Variants in FAM151A observed in about 807,000 individuals in gnomAD.
The protein encoded by FAM151A is protein FAM151A.
Under a neutral mutation model 40.4 loss-of-function variants are expected in FAM151A, and 41 were observed. The ratio of observed to expected loss-of-function variants is 1.01; its 90% CI spans 0.79 to 1.32. The LOEUF is 1.32. Among genes scored for constraint, FAM151A ranks in the 40% most tolerant of loss-of-function variants. FAM151A has a pLI of 0.00. For synonymous variants in FAM151A, 337 were observed against 312.5 expected (o/e 1.08, Z -0.83); for missense variants, 740 against 740.4 (o/e 1.00, Z 0.01).
At chr1:54,622,871 G>A (rs775156378) in intron 1 of FAM151A, among the ~76,000 whole-genome samples, 3 of 151,868 alleles carry the variant, frequency 2.0e-5, no homozygotes, top group African/African-American at 4.8e-5. Context: ...TGGTGGGGAC[G>A]AGGGCTCAAG....
At chr1:54,619,144 G>A (rs1173588936) in intron 2 of FAM151A, among the ~76,000 whole-genome samples, 1 of 152,164 alleles carries the variant, frequency 6.6e-6, no homozygotes, top group Admixed American at 6.5e-5. Context: ...CATCACTTGA[G>A]GGTGGGGCCA....
intron 3 of FAM151A, 104 bp from the exon 4 acceptor site, chr1:54,614,963 T>TGCACAC: frequency 8.8e-7 from 1 of 1,134,114 alleles, no homozygotes; most frequent in Non-Finnish European, 1.3e-6. Flanking sequence ...TGCATGTGCG[T>TGCACAC]GCACAGTGGA....
chr1:54,620,034 G>A (rs756932743), intron 1 of FAM151A, 27 bp from the exon 2 acceptor site: 3 of 1,611,324 alleles, frequency 1.9e-6, no homozygotes, highest in East Asian at 2.2e-5. Flanking sequence ...GGGGCTGTTA[G>A]CGTCTGTCCT....
chr1:54,622,759 G>T (rs145059641), intron 1 of FAM151A, among the ~76,000 whole-genome samples: 1 of 147,808 alleles, frequency 6.8e-6, no homozygotes, highest in Non-Finnish European at 1.5e-5. Flanking sequence ...TAGTTAACGG[G>T]ACTTTCTGCT....
chr1:54,618,394 C>T (rs998030990), intron 2 of FAM151A, among the ~76,000 whole-genome samples: 1 of 152,080 alleles, frequency 6.6e-6, no homozygotes, highest in Non-Finnish European at 1.5e-5. Flanking sequence ...ATCCCAGCTA[C>T]TCGGGAGGCT....
chr1:54,614,911 C>G (rs1026495724), intron 3 of FAM151A, 52 bp from the exon 4 acceptor site: 1 of 1,581,944 alleles, frequency 6.3e-7, no homozygotes, highest in East Asian at 2.2e-5. Context: ...ACTAGGAATA[C>G]ATGACTCCCT....
At chr1:54,621,175 A>C (rs1386153641) in intron 1 of FAM151A, among the ~76,000 whole-genome samples, 1 of 148,150 alleles carries the variant, frequency 6.7e-6, no homozygotes, top group Non-Finnish European at 1.5e-5. Context: ...AAAAAAAAAA[A>C]CCTGCGCGCG....
Position 54,609,667 on chromosome 1 carries a change from C to G in FAM151A, c.1359G>C (p.Ser453=). ...CTCTGCCAGCCACATGGCCGGGGAC[C>G]GAAAAACTCCCGTGGGAGATTTTGG... ...VGAKISHGSF[S]VPGHVAGREL... The change falls in exon 8 of 8, where the codon TCG becomes TCC. Residue 453 remains serine, a synonymous_variant. Coordinates refer to ENST00000302250, the MANE Select transcript of FAM151A (RefSeq NM_176782.3). The G allele has an allele frequency of 6.2e-7, 1 of 1,613,942 alleles. No individual in the cohort carries two copies. Among genetic ancestry groups the G allele is most frequent in the Non-Finnish European group, 8.5e-7 (1 of 1,180,034 alleles).
rs567673212 is a variant in FAM151A at position 54,610,572 on chromosome 1, C to T, written c.941-17G>A. ...TGGCATTCACTGTGGGGCCCCAAAT[C>T]GCCAAGGTGAAGTGGCTGCCATTCA... On this transcript the variant is annotated splice_polypyrimidine_tract_variant and intron_variant, in intron 6 of 7. Coordinates refer to ENST00000302250, the MANE Select transcript of FAM151A (RefSeq NM_176782.3). 30 of 1,606,968 alleles carry T rather than the reference C, an allele frequency of 1.9e-5. No homozygotes were observed. The African/African-American group carries it at 2.3e-4, about 12-fold the overall frequency.
At chr1:54,619,807 CCT>C in intron 2 of FAM151A, 55 bp downstream of exon 2, 1 of 1,572,314 alleles carries the variant, frequency 6.4e-7, no homozygotes. Context: ...CACTTCTCTC[CCT>C]CTGTCTTCTC....
rs138729680 is a variant in FAM151A at position 54,619,013 on chromosome 1, G to A, written c.262+851C>T. Reference sequence around the variant, plus strand: ...AATTATTAATAATGACCTCAAAAGAGCCCTGCTTTGGTTGATTTGGTCATT... The same window carrying A: ...AATTATTAATAATGACCTCAAAAGAACCCTGCTTTGGTTGATTTGGTCATT... On this transcript the variant is annotated intron_variant, in intron 2 of 7. Coordinates refer to ENST00000302250, the MANE Select transcript of FAM151A (RefSeq NM_176782.3). Among the ~76,000 whole-genome samples the A allele has an allele frequency of 1.7e-3, 260 of 152,216 alleles. 3 individuals carry two copies. The highest frequency in any genetic ancestry group is 6.0e-3 in the African/African-American group (251 of 41,544).
intron 5 of FAM151A, among the ~76,000 whole-genome samples, chr1:54,612,221 G>A (rs1435895285): frequency 1.3e-5 from 2 of 151,860 alleles, no homozygotes; most frequent in Admixed American, 1.3e-4. Context: ...ATTGGAGGAA[G>A]CTGTGGGGAG....
chr1:54,612,946 C>T (rs1013535390), intron 4 of FAM151A, among the ~76,000 whole-genome samples: 4 of 152,114 alleles, frequency 2.6e-5, no homozygotes, highest in Admixed American at 2.6e-4. Flanking sequence ...GTAACTCAGC[C>T]TCATAGACAG....
intron 1 of FAM151A, among the ~76,000 whole-genome samples, chr1:54,620,570 C>T (rs566976986): frequency 5.3e-5 from 8 of 151,456 alleles, no homozygotes; most frequent in East Asian, 2.0e-4. Context: ...GCTGGATGGA[C>T]GTGGTGGCAG....
chr1:54,618,212 T>C (rs556894147), intron 2 of FAM151A, among the ~76,000 whole-genome samples: 6 of 152,216 alleles, frequency 3.9e-5, no homozygotes, highest in African/African-American at 1.2e-4. Flanking sequence ...CTTAAAAAAA[T>C]CACCTCCTCA....
rs1644129069 is a variant in FAM151A, at chr1:54,612,469, G to A, written c.800+17C>T. The A allele has an allele frequency of 6.3e-7, 1 of 1,594,028 alleles. No homozygotes were observed. The highest frequency in any genetic ancestry group is 1.3e-5 in the African/African-American group (1 of 74,478). On this transcript the variant is annotated intron_variant, in intron 5 of 7. Coordinates refer to ENST00000302250, the MANE Select transcript of FAM151A (RefSeq NM_176782.3). ...CAGTGCCTCCAGGAGGGTGGGGGTG[G>A]GTTTGGTGGTTTTCACCTCTCAGAT...
At chr1:54,621,538 G>T (rs927542855) in intron 1 of FAM151A, 1 of 152,182 alleles carries the variant, frequency 6.6e-6, no homozygotes, top group South Asian at 2.1e-4. Flanking sequence ...GAATGGCCTC[G>T]AACTTTAGCA....
intron 6 of FAM151A, chr1:54,611,099 C>T (rs545578636): frequency 2.0e-4 from 171 of 842,890 alleles, no homozygotes; most frequent in African/African-American, 1.9e-3. Flanking sequence ...TGTTTTGAGC[C>T]GCTGTTTCTC....
At chr1:54,620,030 G>T (rs11583256) in intron 1 of FAM151A, 23 bp from the exon 2 acceptor site, 63,616 of 1,611,526 alleles carry the variant, frequency 0.039, 1,473 homozygotes, top group Middle Eastern at 0.096. Flanking sequence ...CCAAGGGGCT[G>T]TTAGCGTCTG....
Sources: gnomAD v4.1 joint callset for allele counts (sites outside exome capture counted in the v4.1 genomes callset) on GRCh38, gnomAD v4.1.1 for gene constraint, MANE v1.5 for transcripts, NCBI Gene and HGNC (gene_info 2026-07-23, HGNC 2026-07-21) for gene names.